Variants in MPP7 observed in about 807,000 individuals in gnomAD.
MPP7 encodes MAGUK p55 subfamily member 7.
Under a neutral mutation model 76.5 loss-of-function variants are expected in MPP7, and 60 were observed. The ratio of observed to expected loss-of-function variants is 0.78; its 90% CI spans 0.64 to 0.97. MPP7 has a LOEUF of 0.97. Ranked by LOEUF, MPP7 falls within the 50% of genes least tolerant of loss-of-function variation. The pLI, the probability that MPP7 is intolerant of heterozygous loss-of-function variation, is 0.00. For synonymous variants in MPP7, 237 were observed against 244.5 expected, an observed-to-expected ratio of 0.97 and a Z score of 0.29; for missense variants, 641 against 694.0, an observed-to-expected ratio of 0.92 and a Z score of 0.86.
intron 1 of MPP7, among the ~76,000 whole-genome samples, chr10:28,301,071 G>A (rs1841144463): frequency 6.6e-6 from 1 of 151,940 alleles, no homozygotes; most frequent in Non-Finnish European, 1.5e-5. Context: ...CATCATACAA[G>A]CGGCTACTCC....
chr10:28,230,269 T>G (rs560578127), intron 2 of MPP7, among the ~76,000 whole-genome samples: 28 of 152,182 alleles, frequency 1.8e-4, no homozygotes, highest in Non-Finnish European at 3.2e-4. Context: ...GATTTTAAAT[T>G]TTAAAAGTCA....
chr10:28,130,536 A>C (rs1835158863), intron 6 of MPP7, among the ~76,000 whole-genome samples: 1 of 152,144 alleles, frequency 6.6e-6, no homozygotes, highest in African/African-American at 2.4e-5. Flanking sequence ...CTGACCATCC[A>C]CTTGCTAGAA....
intron 6 of MPP7, among the ~76,000 whole-genome samples, chr10:28,126,799 T>C (rs1835031106): frequency 6.6e-6 from 1 of 152,212 alleles, no homozygotes; most frequent in Non-Finnish European, 1.5e-5. Context: ...CTTGGGCCTC[T>C]TGAAACACTT....
intron 2 of MPP7, among the ~76,000 whole-genome samples, chr10:28,310,804 C>G (rs1841285786): frequency 6.6e-6 from 1 of 152,156 alleles, no homozygotes. Flanking sequence ...TTACCCTGCA[C>G]TGATCTGATA....
chr10:28,301,193 C>G (rs927987452), intron 1 of MPP7, among the ~76,000 whole-genome samples: 5 of 152,000 alleles, frequency 3.3e-5, no homozygotes, highest in South Asian at 2.1e-4. Context: ...AAACACTTCC[C>G]GAAACAAAGT....
At chr10:28,140,847 A>G (rs1835493092) in intron 5 of MPP7, among the ~76,000 whole-genome samples, 1 of 152,194 alleles carries the variant, frequency 6.6e-6, no homozygotes, top group Non-Finnish European at 1.5e-5. Context: ...CTGGAACCAA[A>G]TGAAGGGTTG....
Position 28,064,762 on chromosome 10 carries a change from A to T in MPP7, c.1204+5010T>A, listed in dbSNP as rs572178645. On this transcript the variant is annotated intron_variant, in intron 13 of 16. Transcript: ENST00000683449. ...TTAATACAATGCTCAGATCTCTTGA[A>T]ACAGTTTTTCATACCTGTTCTGCAG... 2.0e-5 allele frequency among the ~76,000 whole-genome samples: 3 copies of T among 152,336 alleles called. No homozygotes were observed. In the East Asian group the frequency reaches 5.8e-4, roughly 29 times the overall value.
At chr10:28,174,557 C>A (rs946257609) in intron 3 of MPP7, among the ~76,000 whole-genome samples, 2 of 152,162 alleles carry the variant, frequency 1.3e-5, no homozygotes, top group African/African-American at 4.8e-5. Flanking sequence ...GTACGGTCTG[C>A]AGAACTGTGA....
chr10:28,135,299 T>C (rs755059459), intron 5 of MPP7, among the ~76,000 whole-genome samples: 10 of 152,154 alleles, frequency 6.6e-5, no homozygotes, highest in Non-Finnish European at 1.5e-4. Context: ...GGGAGATCTG[T>C]AGGAGGTCTC....
rs549621404 is a variant in MPP7 at position 28,316,435 on chromosome 10, T to TAAAAAAAAAAAA, written c.-132+13482_-132+13493dup. 4.6e-4 allele frequency among the ~76,000 whole-genome samples: 17 copies of TAAAAAAAAAAAA among 37,150 alleles called. 2 individuals are homozygous for TAAAAAAAAAAAA. Among genetic ancestry groups the TAAAAAAAAAAAA allele is most frequent in the African/African-American group, 1.1e-3 (13 of 11,914 alleles). 24.4% of individuals were successfully genotyped at this position (37,150 alleles called of 152,430 possible). A position where few individuals can be genotyped will look rare whatever the true frequency, so the allele number is the denominator to read the frequency against. On this transcript the variant is annotated intron_variant, in intron 2 of 11. Coordinates refer to the MPP7 transcript ENST00000441595. ...GGGCAACAGAGTAAGACTCTGTCTT[T>TAAAAAAAAAAAA]AAAAAAAAAAAAAAAAAAAAAAAAA...
chr10:28,080,748 A>G (rs761276093), intron 12 of MPP7, among the ~76,000 whole-genome samples: 1 of 152,218 alleles, frequency 6.6e-6, no homozygotes, highest in Non-Finnish European at 1.5e-5. Context: ...ACTCCAGTGA[A>G]GATCACATTT....
intron 11 of MPP7, among the ~76,000 whole-genome samples, chr10:28,110,504 A>T (rs894677268): frequency 2.0e-5 from 3 of 152,206 alleles, no homozygotes; most frequent in African/African-American, 7.2e-5. Context: ...GGCTCATTGG[A>T]TTAGACAGAA....
chr10:28,293,565 A>C (rs777341978), intron 1 of MPP7, among the ~76,000 whole-genome samples: 14 of 152,194 alleles, frequency 9.2e-5, no homozygotes, highest in Non-Finnish European at 1.8e-4. Context: ...TAGGTGATGA[A>C]GGGGAAAGAT....
At chr10:28,066,272 C>T (rs1851984788) in intron 13 of MPP7, among the ~76,000 whole-genome samples, 1 of 152,164 alleles carries the variant, frequency 6.6e-6, no homozygotes, top group Non-Finnish European at 1.5e-5. Context: ...TCAGCCACCA[C>T]TTTCTTGAAA....
rs373105536 is a variant in MPP7, at chr10:28,283,095, G to A, written c.-132+19766C>T. The stretch of plus-strand genomic sequence containing the variant: ...AGTCTTCTCCTGGGAAGAGGTGCAC[G>A]TTGGTGGAGTAACTTAAGGCACTGG... On this transcript the variant is annotated intron_variant, in intron 1 of 16. Coordinates refer to ENST00000683449, the MANE Select transcript of MPP7 (RefSeq NM_001318170.2). Among the ~76,000 whole-genome samples the A allele has an allele frequency of 1.1e-4, 16 of 152,120 alleles. No individual in the cohort carries two copies. In the East Asian group the frequency reaches 1.9e-3, roughly 18 times the overall value.
intron 5 of MPP7, among the ~76,000 whole-genome samples, chr10:28,145,038 C>T (rs529366438): frequency 1.5e-3 from 229 of 152,236 alleles, no homozygotes; most frequent in South Asian, 1.2e-3. Flanking sequence ...CTCAGCCTCC[C>T]GAGTAGCTGG....
intron 12 of MPP7, among the ~76,000 whole-genome samples, chr10:28,085,111 G>C (rs1852941242): frequency 6.6e-6 from 1 of 152,162 alleles, no homozygotes; most frequent in Non-Finnish European, 1.5e-5. Flanking sequence ...AAGATATTTA[G>C]ATCCAGCACA....
chr10:28,125,020 T>C lies in MPP7; in HGVS notation c.519A>G (p.Ala173=), dbSNP rs2133641729. 2 of 1,613,952 alleles carry C rather than the reference T, an allele frequency of 1.2e-6. No homozygotes were observed. The highest frequency in any genetic ancestry group is 1.7e-6 in the Non-Finnish European group (2 of 1,179,842). The part of the protein sequence containing the change: ...IVARIMRGGA[A]DRSGLIHVGD... ...CATTTAAAGTCTCACCACTTCTATC[T>C]GCAGCTCCTCCTCTCATGATTCTGG... Residue 173 remains alanine (A), a synonymous_variant, in exon 7 of 17, where the codon GCA becomes GCG. Coordinates refer to ENST00000683449, the MANE Select transcript of MPP7 (RefSeq NM_001318170.2).
chr10:28,285,452 T>C (rs1157799530), intron 1 of MPP7, among the ~76,000 whole-genome samples: 1 of 152,218 alleles, frequency 6.6e-6, no homozygotes, highest in Non-Finnish European at 1.5e-5. Flanking sequence ...CCCAAAGTGC[T>C]AGGATTACAG....
Sources: allele counts gnomAD v4.1 joint callset (sites outside exome capture counted in the v4.1 genomes callset), GRCh38; gene constraint gnomAD v4.1.1; transcripts MANE v1.5; gene names NCBI Gene and HGNC (gene_info 2026-07-23, HGNC 2026-07-21).